The following RBBP5 variants were observed in gnomAD, a reference collection of about 807,000 sequenced individuals.
RBBP5 encodes the protein RB binding protein 5, histone lysine methyltransferase complex subunit, also known as retinoblastoma-binding protein 5.
In RBBP5, 5 loss-of-function variants were observed where a neutral mutation model predicts 72.2. That is an observed-to-expected ratio of 0.07 (90% CI 0.04 to 0.15). RBBP5 has a LOEUF of 0.15. RBBP5 is among the 10% of genes least tolerant of loss of function. RBBP5 has a pLI of 1.00. For missense variants in RBBP5, 322 were observed against 652.2 expected, an observed-to-expected ratio of 0.49 and a Z score of 5.51; for synonymous variants, 209 against 237.2, an observed-to-expected ratio of 0.88 and a Z score of 1.09.
chr1:205,100,550 C>A (rs1252654375), intron 6 of RBBP5, among the ~76,000 whole-genome samples: 1 of 152,144 alleles, frequency 6.6e-6, no homozygotes, highest in East Asian at 1.9e-4. Context: ...CCCAAGTTTA[C>A]AGTGAAATGG....
chr1:205,107,358 C>A (rs1200101893), intron 3 of RBBP5, among the ~76,000 whole-genome samples: 1 of 151,780 alleles, frequency 6.6e-6, no homozygotes, highest in South Asian at 2.1e-4. Flanking sequence ...ATGAAAAAAT[C>A]TTGAAAGCTG....
At chr1:205,113,332 G>A (rs1033572369) in intron 3 of RBBP5, among the ~76,000 whole-genome samples, 3 of 151,790 alleles carry the variant, frequency 2.0e-5, no homozygotes, top group Non-Finnish European at 2.9e-5. Context: ...AGGCACTGGA[G>A]TGCAGTGGCA....
intron 13 of RBBP5, among the ~76,000 whole-genome samples, chr1:205,089,274 A>C (rs1400683001): frequency 6.6e-6 from 1 of 152,224 alleles, no homozygotes; most frequent in Non-Finnish European, 1.5e-5. Context: ...ACAGTTCCTT[A>C]AGTGACATAC....
chr1:205,095,636 A>G (rs759517682), intron 12 of RBBP5, among the ~76,000 whole-genome samples: 1 of 152,158 alleles, frequency 6.6e-6, no homozygotes, highest in Admixed American at 6.5e-5. Flanking sequence ...GCAGAAAGAG[A>G]ATGGACTTTG....
At chr1:205,102,319 A>G (rs1035039500) in intron 5 of RBBP5, among the ~76,000 whole-genome samples, 3 of 152,242 alleles carry the variant, frequency 2.0e-5, no homozygotes, top group Non-Finnish European at 2.9e-5. Context: ...AGTATTATTG[A>G]GCCTTGAGAA....
chr1:205,115,997 C>G (rs2102330327), intron 1 of RBBP5, 114 bp from the exon 2 acceptor site: 1 of 1,606,316 alleles, frequency 6.2e-7, no homozygotes, highest in Non-Finnish European at 8.5e-7. Flanking sequence ...ATATGATGCC[C>G]TTTCAGGCAT....
At chr1:205,094,776 AAG>A in intron 13 of RBBP5, 95 bp downstream of exon 13, 1 of 1,306,288 alleles carries the variant, frequency 7.7e-7, no homozygotes. Flanking sequence ...AAAACGAGGG[AAG>A]AGAGGGGGAA....
intron 3 of RBBP5, among the ~76,000 whole-genome samples, chr1:205,111,143 G>A (rs1656297980): frequency 6.6e-6 from 1 of 152,208 alleles, no homozygotes; most frequent in Admixed American, 6.5e-5. Flanking sequence ...AAATGTTGGA[G>A]GGAGGGGTTG....
chr1:205,107,905 T>C (rs12022384), intron 3 of RBBP5, among the ~76,000 whole-genome samples: 27,715 of 141,394 alleles, frequency 0.2, 2,911 homozygotes, highest in East Asian at 0.4. Context: ...GAGATCGCGC[T>C]ATTGCACTCC....
intron 3 of RBBP5, among the ~76,000 whole-genome samples, chr1:205,106,579 CA>C (rs112943386): frequency 0.32 from 48,536 of 152,028 alleles, 9,160 homozygotes; most frequent in Non-Finnish European, 0.44. Flanking sequence ...GCCTAGGCAA[CA>C]GAGTGAGACT....
At position 205,103,223 on chromosome 1, in the gene RBBP5, C is replaced by CAAAAAAAAAAAAAAAAAAAA. The variant is rs35295093; in HGVS notation, c.522+633_522+634insTTTTTTTTTTTTTTTTTTTT. On this transcript the variant is annotated intron_variant, in intron 5 of 13. Transcript: ENST00000264515. ...TAGGCAACAGAGTGAGACTCCATCT[C>CAAAAAAAAAAAAAAAAAAAA]AAAAAAAAAAAAAAAAAAAGGAAAA... 2.2e-5 allele frequency among the ~76,000 whole-genome samples: 2 copies of CAAAAAAAAAAAAAAAAAAAA among 91,402 alleles called. 1 individual carries two copies. The highest frequency in any genetic ancestry group is 8.7e-5 in the African/African-American group (2 of 23,014). The allele number at this position is 91,402 out of a possible 152,430, so 60.0% of individuals were successfully genotyped here.
intron 4 of RBBP5, 118 bp from the exon 5 acceptor site, chr1:205,104,137 G>A: frequency 9.4e-7 from 1 of 1,067,872 alleles, no homozygotes; most frequent in Admixed American, 2.3e-5. Flanking sequence ...AAGCAAATTT[G>A]AAACAGTGAA....
At position 205,105,197 on chromosome 1, in the gene RBBP5, C is replaced by T. The variant is rs758987550; in HGVS notation, c.219-29G>A. On this transcript the variant is annotated intron_variant, in intron 3 of 13. Transcript: ENST00000264515. ...AGGAAAAAAAAGGGGTAATTTAGCA[C>T]ATATTCTAAGTATATCATACCACTC... is the stretch of plus-strand genomic sequence containing the variant. The T allele has an allele frequency of 5.0e-6, 8 of 1,598,476 alleles. No individual in the cohort carries two copies. In the African/African-American group the frequency reaches 9.4e-5, roughly 19 times the overall value.
intron 13 of RBBP5, among the ~76,000 whole-genome samples, chr1:205,094,668 T>C (rs1236360434): frequency 6.6e-6 from 1 of 152,182 alleles, no homozygotes; most frequent in East Asian, 1.9e-4. Context: ...TTGAAAACTA[T>C]TTACAGACCC....
In RBBP5 at chr1:205,098,882, G is replaced by A. The variant is rs147028371; in HGVS notation, c.1096+107C>T. On this transcript the variant is annotated intron_variant, in intron 10 of 13. Transcript: ENST00000264515. ...AAAAAAAAGTGTGGGGTGGAGGGGG[G>A]CATTTTAGATGAAGTGCTGAAATAA... 5.7e-4 allele frequency: 379 copies of A among 669,072 alleles called. 1 individual carries two copies. The African/African-American group carries it at 6.5e-3, about 11-fold the overall frequency. 41.4% of individuals were successfully genotyped at this position (669,072 alleles called of 1,614,324 possible).
At chr1:205,096,978 T>C in intron 11 of RBBP5, 67 bp from the exon 12 acceptor site, 1 of 1,378,524 alleles carries the variant, frequency 7.3e-7, no homozygotes, top group Non-Finnish European at 9.9e-7. Context: ...CCATGAGCCC[T>C]TCCTCTATCA....
chr1:205,102,053 C>T (rs1307563356), intron 5 of RBBP5, among the ~76,000 whole-genome samples: 3 of 152,054 alleles, frequency 2.0e-5, no homozygotes, highest in Admixed American at 6.6e-5. Context: ...TGCGCCACGA[C>T]GCCTGGCTAA....
chr1:205,110,759 A>G (rs909789036), intron 3 of RBBP5, among the ~76,000 whole-genome samples: 7 of 152,098 alleles, frequency 4.6e-5, no homozygotes, highest in African/African-American at 1.7e-4. Context: ...ATATTCTTTT[A>G]ATTTTTAAAA....
chr1:205,108,645 A>C (rs1656177465), intron 3 of RBBP5, among the ~76,000 whole-genome samples: 2 of 152,206 alleles, frequency 1.3e-5, no homozygotes, highest in Non-Finnish European at 2.9e-5. Context: ...CAAAACCGAT[A>C]CTTTACCCAG....
Sources: gnomAD v4.1 joint callset for allele counts (sites outside exome capture counted in the v4.1 genomes callset) on GRCh38, gnomAD v4.1.1 for gene constraint, MANE v1.5 for transcripts, NCBI Gene and HGNC (gene_info 2026-07-23, HGNC 2026-07-21) for gene names.